DCT: variants seen among roughly 807,000 people sequenced by gnomAD.
The protein encoded by DCT is dopachrome tautomerase, also known as L-dopachrome tautomerase.
In DCT, 47 loss-of-function variants were observed where a neutral mutation model predicts 53.0. The observed-to-expected ratio is 0.89, with a 90% CI of 0.70 to 1.13. The LOEUF (loss-of-function observed/expected upper bound fraction) is 1.13, where lower values mean the gene tolerates loss of function less well. DCT is among the 50% of genes most tolerant of loss of function. The pLI is 0.00. For missense variants in DCT, 669 were observed against 637.4 expected (o/e 1.05, Z -0.53); for synonymous variants, 244 against 237.0 (o/e 1.03, Z -0.27).
In DCT at chr13:94,462,177, G is replaced by T. The variant is rs201692579; in HGVS notation, c.876C>A (p.Tyr292Ter). The change falls in exon 5 of 8, where the codon TAC becomes TAA. Residue 292 changes from tyrosine to a stop codon, truncating the protein, a stop_gained. Transcript: ENST00000377028. LOFTEE classifies it high-confidence loss of function. ...CATTGCACAAGGTGACCAGGTGGTT[G>T]TAGTCATCCAAGCTAAGATTTGTAA... ...WETVCDSLDD[Y>*]NHLVTLCNGT... 171 of 1,611,802 alleles carry T rather than the reference G, an allele frequency of 1.1e-4. No individual in the cohort carries two copies. Among genetic ancestry groups the T allele is most frequent in the Non-Finnish European group, 1.4e-4 (167 of 1,178,298 alleles).
intron 1 of DCT, among the ~76,000 whole-genome samples, chr13:94,472,539 TATATATATATATATATATATATATATATA>T (rs1566854792): frequency 3.2e-3 from 83 of 25,704 alleles, no homozygotes; most frequent in East Asian, 8.5e-3. Context: ...TATATATATA[TATATATATATATATATATATATATATATA>T]TTTTTTTTTT....
At chr13:94,492,695 G>A in the DCT span, among the ~76,000 whole-genome samples, 1 of 152,046 alleles carries the variant, frequency 6.6e-6, no homozygotes, top group African/African-American at 2.4e-5. Context: ...TTATTTATAA[G>A]AAACATTGAT....
At chr13:94,510,513 T>C in the DCT span, among the ~76,000 whole-genome samples, 1 of 152,240 alleles carries the variant, frequency 6.6e-6, no homozygotes, top group Non-Finnish European at 1.5e-5. Context: ...TTCTTAATTT[T>C]CATACTGAGC....
intron 1 of DCT, among the ~76,000 whole-genome samples, chr13:94,473,157 C>T (rs976200517): frequency 6.6e-6 from 1 of 152,100 alleles, no homozygotes; most frequent in Non-Finnish European, 1.5e-5. Flanking sequence ...TATGATGGTT[C>T]AACTTAAAAT....
At chr13:94,477,343 C>G (rs1317965662) in intron 1 of DCT, among the ~76,000 whole-genome samples, 2 of 152,092 alleles carry the variant, frequency 1.3e-5, no homozygotes, top group Non-Finnish European at 2.9e-5. Flanking sequence ...GTGACCCACC[C>G]ACTTCAGCCT....
At chr13:94,515,935 A>T in the DCT span, among the ~76,000 whole-genome samples, 5 of 152,198 alleles carry the variant, frequency 3.3e-5, no homozygotes, top group Non-Finnish European at 7.3e-5. Flanking sequence ...GGGGCTTAAA[A>T]ATGGAATCAC....
At chr13:94,543,548 T>C in the DCT span, among the ~76,000 whole-genome samples, 2 of 152,194 alleles carry the variant, frequency 1.3e-5, no homozygotes, top group African/African-American at 2.4e-5. Context: ...CTCTCCTGCC[T>C]TTATCTGAGC....
chr13:94,531,707 A>T, the DCT span, among the ~76,000 whole-genome samples: 5 of 152,224 alleles, frequency 3.3e-5, no homozygotes, highest in African/African-American at 9.6e-5. Flanking sequence ...AACCTAGGCA[A>T]TACCATTCAG....
At chr13:94,535,521 A>T in the DCT span, among the ~76,000 whole-genome samples, 1 of 152,226 alleles carries the variant, frequency 6.6e-6, no homozygotes, top group East Asian at 1.9e-4. Context: ...AGCTACCAGC[A>T]GCTCTCCTAT....
chr13:94,479,058 G>T lies in DCT; in HGVS notation c.198C>A (p.Ala66=). 6.2e-7 allele frequency: 1 copy of T among 1,614,186 alleles called. No homozygotes were observed. Among genetic ancestry groups the T allele is most frequent in the Non-Finnish European group, 8.5e-7 (1 of 1,180,028 alleles). ...QGRGQCTEVR[A]DTRPWSGPYI... ...AGGGACCACTCCAGGGCCTTGTGTC[G>T]GCTCGCACCTCTGTGCACTGCCCCC... is the stretch of plus-strand genomic sequence containing the variant. Residue 66 remains alanine (A), a synonymous_variant, in exon 1 of 8, where the codon GCC becomes GCA. Transcript: ENST00000377028.
chr13:94,493,870 A>C, the DCT span, among the ~76,000 whole-genome samples: 2 of 152,210 alleles, frequency 1.3e-5, no homozygotes, highest in Admixed American at 6.5e-5. Context: ...CAACACAAAG[A>C]GTGAACCCTC....
At chr13:94,472,591 T>TCAAGACAG (rs1884816171) in intron 1 of DCT, among the ~76,000 whole-genome samples, 1 of 90,400 alleles carries the variant, frequency 1.1e-5, no homozygotes, top group African/African-American at 4.2e-5. Context: ...TTTTTTTTTT[T>TCAAGACAG]TTTTTTTGTC....
chr13:94,520,726 G>A, the DCT span, among the ~76,000 whole-genome samples: 1 of 152,172 alleles, frequency 6.6e-6, no homozygotes, highest in East Asian at 1.9e-4. Context: ...AAAGGACTGA[G>A]AAACTCACAC....
intron 6 of DCT, among the ~76,000 whole-genome samples, chr13:94,456,869 C>T (rs1024879493): frequency 2.0e-5 from 3 of 152,228 alleles, no homozygotes; most frequent in African/African-American, 7.2e-5. Context: ...TTGGCTCACG[C>T]CTATAATCTC....
the DCT span, among the ~76,000 whole-genome samples, chr13:94,532,269 C>A: frequency 0.025 from 3,858 of 152,154 alleles, 168 homozygotes; most frequent in African/African-American, 0.087. Flanking sequence ...CATTTGACCC[C>A]GCCATCCCAT....
chr13:94,513,986 T>TA, the DCT span, among the ~76,000 whole-genome samples: 19 of 26,582 alleles, frequency 7.1e-4, no homozygotes, highest in African/African-American at 7.2e-3. Flanking sequence ...AAACTCTGTC[T>TA]CAAAAAAAAA....
intron 1 of DCT, among the ~76,000 whole-genome samples, chr13:94,472,521 CATATATATATATATATATATATAT>C (rs1555334365): frequency 2.4e-4 from 6 of 25,292 alleles, no homozygotes; most frequent in African/African-American, 7.3e-4. Context: ...TACATACATA[CATATATATATATATATATATATAT>C]ATATATATAT....
At position 94,437,535 on chromosome 13, in the gene DCT, A is replaced by G. The variant is rs1397839182; in HGVS notation, c.*2363T>C. 6.6e-6 allele frequency: 1 copy of G among 152,222 alleles called. No individual in the cohort carries two copies. Among genetic ancestry groups the G allele is most frequent in the African/African-American group, 2.4e-5 (1 of 41,466 alleles). 9.4% of individuals were successfully genotyped at this position (152,222 alleles called of 1,614,324 possible). On this transcript the variant is annotated 3_prime_UTR_variant, in exon 8 of 8. Transcript: ENST00000377028. ...CTTTATAAAAAGCATTTCTATTAAA[A>G]TCATACATGCAGTTTTTCTAATACT...
chr13:94,505,051 T>C, the DCT span, among the ~76,000 whole-genome samples: 1 of 152,004 alleles, frequency 6.6e-6, no homozygotes, highest in Admixed American at 6.6e-5. Flanking sequence ...TTAGGCTTGA[T>C]GACTGAAAAA....
Sources: gnomAD v4.1 joint callset for allele counts (sites outside exome capture counted in the v4.1 genomes callset) on GRCh38, gnomAD v4.1.1 for gene constraint, MANE v1.5 for transcripts, NCBI Gene and HGNC (gene_info 2026-07-23, HGNC 2026-07-21) for gene names.